The following GMDS variants were observed in gnomAD, a reference collection of about 807,000 sequenced individuals.
GMDS encodes the protein GDP-mannose 4,6 dehydratase.
GMDS carries 20 observed loss-of-function variants against 49.9 expected under a neutral mutation model. The ratio of observed to expected loss-of-function variants is 0.40; its 90% CI spans 0.28 to 0.58. GMDS has a LOEUF of 0.58. GMDS is among the 20% of genes least tolerant of loss of function. The pLI is 0.42. For missense variants in GMDS, 362 were observed against 481.4 expected, an observed-to-expected ratio of 0.75 and a Z score of 2.32; for synonymous variants, 177 against 178.6, an observed-to-expected ratio of 0.99 and a Z score of 0.07.
intron 9 of GMDS, among the ~76,000 whole-genome samples, chr6:1,714,571 A>G (rs1186346577): frequency 1.3e-5 from 2 of 152,198 alleles, no homozygotes. Flanking sequence ...TCAGAGTAGC[A>G]GAGAAACGCG....
At chr6:2,111,536 ATTATT>A in intron 4 of GMDS, among the ~76,000 whole-genome samples, 1 of 152,186 alleles carries the variant, frequency 6.6e-6, no homozygotes. Flanking sequence ...GCAACTTCCT[ATTATT>A]TTATTTTCCT....
chr6:1,658,876 A>G (rs1763974865), intron 9 of GMDS, among the ~76,000 whole-genome samples: 1 of 152,242 alleles, frequency 6.6e-6, no homozygotes, highest in Non-Finnish European at 1.5e-5. Flanking sequence ...TTGCTTAGAG[A>G]AAAGAGACGT....
intron 7 of GMDS, among the ~76,000 whole-genome samples, chr6:1,907,227 C>T (rs919386501): frequency 3.9e-5 from 6 of 152,138 alleles, no homozygotes; most frequent in East Asian, 1.9e-4. Context: ...GAACTCAACA[C>T]GCATAGACTC....
At chr6:2,071,742 G>T (rs900998195) in intron 4 of GMDS, among the ~76,000 whole-genome samples, 3 of 150,906 alleles carry the variant, frequency 2.0e-5, no homozygotes, top group Non-Finnish European at 4.4e-5. Flanking sequence ...CTCCATTCAC[G>T]GACCTGTAGT....
At chr6:2,004,460 TATG>T (rs1164972133) in intron 4 of GMDS, among the ~76,000 whole-genome samples, 4 of 152,230 alleles carry the variant, frequency 2.6e-5, no homozygotes, top group South Asian at 2.1e-4. Flanking sequence ...AGTAATTTAC[TATG>T]ATATTAACTA....
chr6:1,921,993 T>C (rs1054997019), intron 7 of GMDS, among the ~76,000 whole-genome samples: 1 of 152,198 alleles, frequency 6.6e-6, no homozygotes, highest in Non-Finnish European at 1.5e-5. Flanking sequence ...GCCACTGACA[T>C]ATTTCCCTTC....
At position 2,245,514 on chromosome 6, in the gene GMDS, GCGC is replaced by G. The variant is rs1042882379; in HGVS notation, c.-95_-93del. ...GGAACGCGGGGGTGTGCAGCACGAA[GCGC>G]CTCTCCAGGCTGCGGGCAGGGAGGG... On this transcript the variant is annotated 5_prime_UTR_variant, in exon 1 of 11. Transcript: ENST00000380815. The G allele has an allele frequency of 8.3e-5, 53 of 636,662 alleles. No homozygotes were observed. In the African/African-American group the frequency reaches 9.3e-4, roughly 11 times the overall value. 39.4% of individuals were successfully genotyped at this position (636,662 alleles called of 1,614,324 possible). A position where few individuals can be genotyped will look rare whatever the true frequency, so the allele number is the denominator to read the frequency against.
In GMDS at chr6:1,835,538, G is replaced by C. The variant is rs577211953; in HGVS notation, c.772-92952C>G. Among the ~76,000 whole-genome samples the C allele has an allele frequency of 7.9e-5, 12 of 152,240 alleles. 1 individual carries two copies. Among genetic ancestry groups the C allele is most frequent in the Middle Eastern group, 6.8e-3 (2 of 294 alleles). On this transcript the variant is annotated intron_variant, in intron 7 of 10. Transcript: ENST00000380815. ...CTATAAAATAATCTTTAAAAATCTA[G>C]TAATTTTCACATTTAAATTACTAAA...
intron 1 of GMDS, among the ~76,000 whole-genome samples, chr6:2,238,242 T>TA (rs34933101): frequency 1.3e-5 from 2 of 148,712 alleles, no homozygotes; most frequent in South Asian, 4.2e-4. Flanking sequence ...AAAAAAATAG[T>TA]AAAAAAATCA....
intron 1 of GMDS, among the ~76,000 whole-genome samples, chr6:2,207,966 T>A (rs966658460): frequency 6.6e-6 from 1 of 151,822 alleles, no homozygotes; most frequent in Non-Finnish European, 1.5e-5. Flanking sequence ...TTTCCAGGCA[T>A]ATGAAAAACC....
At chr6:1,884,646 G>T (rs1223876558) in intron 7 of GMDS, among the ~76,000 whole-genome samples, 1 of 152,240 alleles carries the variant, frequency 6.6e-6, no homozygotes, top group African/African-American at 2.4e-5. Flanking sequence ...GTTCACATTA[G>T]TGTCATGCTC....
At chr6:1,876,011 A>C (rs1347468663) in intron 7 of GMDS, among the ~76,000 whole-genome samples, 1 of 117,350 alleles carries the variant, frequency 8.5e-6, no homozygotes, top group Non-Finnish European at 2.1e-5. Flanking sequence ...AGAGAGCACT[A>C]TCTCAAAAAA....
chr6:2,004,606 T>G (rs914891156), intron 4 of GMDS, among the ~76,000 whole-genome samples: 1 of 152,196 alleles, frequency 6.6e-6, no homozygotes, highest in African/African-American at 2.4e-5. Flanking sequence ...CCCCTGGGCT[T>G]GGCTCAATAT....
At chr6:1,885,591 G>A (rs140945285) in intron 7 of GMDS, among the ~76,000 whole-genome samples, 56 of 152,304 alleles carry the variant, frequency 3.7e-4, no homozygotes, top group African/African-American at 1.3e-3. Flanking sequence ...GGAAAGTGAC[G>A]TGACAAGGTC....
chr6:1,939,166 G>C (rs918897272), intron 6 of GMDS, among the ~76,000 whole-genome samples: 2 of 151,928 alleles, frequency 1.3e-5, no homozygotes, highest in African/African-American at 4.8e-5. Flanking sequence ...TTCTGAATTA[G>C]ATAATTCCAG....
chr6:2,017,632 T>C (rs1015954566), intron 4 of GMDS, among the ~76,000 whole-genome samples: 53 of 152,072 alleles, frequency 3.5e-4, no homozygotes, highest in Non-Finnish European at 8.8e-5. Flanking sequence ...TTTAACAACA[T>C]AGGAATTAGG....
intron 9 of GMDS, chr6:1,625,047 GGGACTCGGGCTGTGGGGCGCGAGGCCCCA>G (rs1405965637): frequency 6.6e-6 from 1 of 152,060 alleles, no homozygotes; most frequent in Admixed American, 6.5e-5. Flanking sequence ...CCGCGGGGAA[GGGACTCGGGCTGTGGGGCGCGAGGCCCCA>G]GGACTCGGGG....
chr6:1,911,044 C>T (rs1005329697), intron 7 of GMDS, among the ~76,000 whole-genome samples: 2 of 152,128 alleles, frequency 1.3e-5, no homozygotes, highest in Non-Finnish European at 2.9e-5. Flanking sequence ...ACCCTACAGT[C>T]AGGGAAAGAT....
At chr6:1,789,205 C>G (rs1437060059) in intron 7 of GMDS, among the ~76,000 whole-genome samples, 1 of 152,244 alleles carries the variant, frequency 6.6e-6, no homozygotes, top group Non-Finnish European at 1.5e-5. Context: ...CTTATTACAT[C>G]AACGTGTTCA....
Sources: gnomAD v4.1 joint callset for allele counts (sites outside exome capture counted in the v4.1 genomes callset) on GRCh38, gnomAD v4.1.1 for gene constraint, MANE v1.5 for transcripts, NCBI Gene and HGNC (gene_info 2026-07-23, HGNC 2026-07-21) for gene names.